WDPCP: variants seen among roughly 807,000 people sequenced by gnomAD.
WDPCP encodes the protein WD repeat-containing and planar cell polarity effector protein fritz homolog.
In WDPCP, 71 loss-of-function variants were observed where a neutral mutation model predicts 93.1. The ratio of observed to expected loss-of-function variants is 0.76; its 90% confidence interval spans 0.63 to 0.93. The LOEUF (loss-of-function observed/expected upper bound fraction) is 0.93, where lower values mean the gene tolerates loss of function less well. Among genes scored for constraint, WDPCP ranks in the 40% least tolerant of loss-of-function variants. The pLI is 0.00. For synonymous variants in WDPCP, 315 were observed against 315.0 expected (o/e 1.00, Z 0.00); for missense variants, 844 against 887.4 (o/e 0.95, Z 0.62).
intron 13 of WDPCP, among the ~76,000 whole-genome samples, chr2:63,288,311 A>T (rs913667701): frequency 6.6e-6 from 1 of 152,232 alleles, no homozygotes; most frequent in South Asian, 2.1e-4. Flanking sequence ...CACAATGAGT[A>T]AAGTAAAATG....
At chr2:63,507,903 C>G (rs1055545441) in intron 1 of WDPCP, among the ~76,000 whole-genome samples, 2 of 151,904 alleles carry the variant, frequency 1.3e-5, no homozygotes, top group African/African-American at 4.8e-5. Context: ...TGAAAAGGAA[C>G]GAACAAAGCC....
chr2:63,773,711 C>T (rs1670263095), intron 2 of WDPCP, among the ~76,000 whole-genome samples: 1 of 152,012 alleles, frequency 6.6e-6, no homozygotes, highest in African/African-American at 2.4e-5. Flanking sequence ...ATACCAGGTT[C>T]AATGCCAAAA....
At chr2:63,757,480 A>G (rs1476037283) in intron 2 of WDPCP, among the ~76,000 whole-genome samples, 1 of 152,166 alleles carries the variant, frequency 6.6e-6, no homozygotes, top group Non-Finnish European at 1.5e-5. Context: ...AGAAACTACC[A>G]TACCTCACCC....
intron 1 of WDPCP, among the ~76,000 whole-genome samples, chr2:63,538,487 A>C (rs1278230291): frequency 6.6e-6 from 1 of 152,160 alleles, no homozygotes; most frequent in Non-Finnish European, 1.5e-5. Flanking sequence ...GCCTTTGACA[A>C]ATTGTTTTGC....
intron 12 of WDPCP, among the ~76,000 whole-genome samples, chr2:63,342,093 G>A (rs1256931213): frequency 6.6e-6 from 1 of 152,084 alleles, no homozygotes; most frequent in Non-Finnish European, 1.5e-5. Context: ...TTCTCATAAG[G>A]AGCATGCAAC....
intron 12 of WDPCP, among the ~76,000 whole-genome samples, chr2:63,350,232 T>G (rs570293800): frequency 2.0e-5 from 3 of 152,036 alleles, no homozygotes; most frequent in Non-Finnish European, 2.9e-5. Flanking sequence ...TAGGTGGGAA[T>G]TGAACAATGG....
chr2:63,135,808 T>G (rs1670576967), intron 17 of WDPCP, among the ~76,000 whole-genome samples: 1 of 152,168 alleles, frequency 6.6e-6, no homozygotes, highest in Non-Finnish European at 1.5e-5. Flanking sequence ...TATGGCCTAC[T>G]GCAGCCTCTA....
At chr2:63,734,072 G>A (rs1307218508) in intron 2 of WDPCP, among the ~76,000 whole-genome samples, 2 of 152,140 alleles carry the variant, frequency 1.3e-5, no homozygotes, top group Admixed American at 1.3e-4. Context: ...TAGTAGGTAT[G>A]AGTACTCAGT....
At chr2:63,588,875 C>T (rs897366460), upstream of WDPCP, 7 of 832,494 alleles carry the variant, frequency 8.4e-6, no homozygotes, top group Admixed American at 4.6e-5. Flanking sequence ...GGAGATTGCG[C>T]CACAACCAGG....
chr2:63,427,194 A>C (rs1696390645), intron 9 of WDPCP, among the ~76,000 whole-genome samples: 1 of 152,138 alleles, frequency 6.6e-6, no homozygotes, highest in Non-Finnish European at 1.5e-5. Context: ...AGAAAATTAA[A>C]AATGAAGTTC....
At chr2:63,488,293 A>C (rs1324509118) in intron 2 of WDPCP, among the ~76,000 whole-genome samples, 1 of 152,138 alleles carries the variant, frequency 6.6e-6, no homozygotes, top group Non-Finnish European at 1.5e-5. Flanking sequence ...AAGAGGTGGA[A>C]GCAGTACAGG....
intron 13 of WDPCP, among the ~76,000 whole-genome samples, chr2:63,287,674 A>C (rs1684111275): frequency 1.3e-5 from 2 of 152,222 alleles, no homozygotes; most frequent in South Asian, 4.1e-4. Flanking sequence ...AATTTTTAAA[A>C]CACACATGCA....
intron 2 of WDPCP, among the ~76,000 whole-genome samples, chr2:63,741,773 C>T (rs1461025513): frequency 1.3e-5 from 2 of 151,950 alleles, no homozygotes; most frequent in Non-Finnish European, 2.9e-5. Context: ...AATAAAGCCC[C>T]CTCTTACCAC....
intron 13 of WDPCP, among the ~76,000 whole-genome samples, chr2:63,271,105 C>T (rs1682597782): frequency 6.6e-6 from 1 of 152,214 alleles, no homozygotes. Context: ...TGTCCTGCAC[C>T]TGGGAAATGG....
chr2:63,133,916 T>G (rs1409235203), intron 17 of WDPCP, among the ~76,000 whole-genome samples: 1 of 152,192 alleles, frequency 6.6e-6, no homozygotes, highest in African/African-American at 2.4e-5. Flanking sequence ...TGTTCTTGAT[T>G]GTTTACTTGG....
chr2:63,566,132 C>T (rs1489809285), intron 1 of WDPCP, among the ~76,000 whole-genome samples: 2 of 152,164 alleles, frequency 1.3e-5, no homozygotes, highest in African/African-American at 4.8e-5. Flanking sequence ...GAATGTACCA[C>T]TCTGATCTGT....
At chr2:63,362,714 G>C (rs1173642645) in intron 12 of WDPCP, among the ~76,000 whole-genome samples, 1 of 151,926 alleles carries the variant, frequency 6.6e-6, no homozygotes, top group Non-Finnish European at 1.5e-5. Context: ...ACCCAGGCTG[G>C]AGTGCAGTGG....
At chr2:63,634,286 A>C (rs1234928510) in intron 3 of WDPCP, among the ~76,000 whole-genome samples, 3 of 152,094 alleles carry the variant, frequency 2.0e-5, no homozygotes, top group East Asian at 1.9e-4. Flanking sequence ...ATAAACTATA[A>C]GTCAAAATAA....
chr2:63,365,764 C>G (rs928122727), intron 12 of WDPCP, among the ~76,000 whole-genome samples: 1 of 152,158 alleles, frequency 6.6e-6, no homozygotes, highest in Non-Finnish European at 1.5e-5. Flanking sequence ...TCCCATTTAC[C>G]TTACCACTCG....
Sources: allele counts gnomAD v4.1 joint callset (sites outside exome capture counted in the v4.1 genomes callset), GRCh38; gene constraint gnomAD v4.1.1; transcripts MANE v1.5; gene names NCBI Gene and HGNC (gene_info 2026-07-23, HGNC 2026-07-21).